Variants in ACSL4 observed in about 807,000 individuals in gnomAD.
The protein encoded by ACSL4 is long-chain-fatty-acid--CoA ligase 4.
Under a neutral mutation model 49.1 loss-of-function variants are expected in ACSL4, and 9 were observed. That is an observed-to-expected ratio of 0.18 (90% confidence interval 0.11 to 0.32). The LOEUF (loss-of-function observed/expected upper bound fraction) is 0.32, where lower values mean the gene tolerates loss of function less well. ACSL4 is among the 10% of genes least tolerant of loss of function. The pLI is 1.00. For missense variants in ACSL4, 333 were observed against 493.7 expected, an observed-to-expected ratio of 0.67 and a Z score of 3.08; for synonymous variants, 191 against 170.3, an observed-to-expected ratio of 1.12 and a Z score of -0.95.
At chrX:109,677,675 A>T (rs1416173774) in intron 8 of ACSL4, among the ~76,000 whole-genome samples, 1 of 110,277 alleles carries the variant, frequency 9.1e-6, no homozygotes, top group Admixed American at 9.6e-5. Flanking sequence ...CAGCTACTCT[A>T]GAGGCTGAGG....
In ACSL4 at chrX:109,670,770, C is replaced by T. The variant is rs180704366; in HGVS notation, c.1003-1597G>A. On this transcript the variant is annotated intron_variant, in intron 9 of 15. Coordinates refer to ENST00000672401, the MANE Select transcript of ACSL4 (RefSeq NM_001318510.2). The stretch of plus-strand genomic sequence containing the variant: ...CCTGCCGAGTGCCTGGGATTGCAGG[C>T]GCGTGCCGCCACGCCTGACTGGTTT... Among the ~76,000 whole-genome samples the T allele has an allele frequency of 5.6e-3, 624 of 111,314 alleles. 6 individuals are homozygous for T. The highest frequency in any genetic ancestry group is 0.018 in the African/African-American group (538 of 30,721).
chrX:109,645,282 T>C (rs1934620137), intron 15 of ACSL4, among the ~76,000 whole-genome samples: 1 of 112,403 alleles, frequency 8.9e-6, no homozygotes, highest in South Asian at 3.7e-4. Flanking sequence ...GTCTGACAGC[T>C]TTGAAGAGAT....
At chrX:109,727,793 A>C (rs1254121833) in intron 1 of ACSL4, among the ~76,000 whole-genome samples, 1 of 110,104 alleles carries the variant, frequency 9.1e-6, no homozygotes, top group Non-Finnish European at 1.9e-5. Flanking sequence ...GCTTCACGGG[A>C]CATAAGGGCT....
At chrX:109,727,657 TTG>T (rs35186119) in intron 1 of ACSL4, among the ~76,000 whole-genome samples, 3,793 of 88,020 alleles carry the variant, frequency 0.043, 103 homozygotes, top group East Asian at 0.15. Flanking sequence ...GTTTGTTAAA[TTG>T]TGTGTGTGTG....
intron 1 of ACSL4, among the ~76,000 whole-genome samples, chrX:109,714,966 G>A (rs749855051): frequency 5.2e-4 from 58 of 112,095 alleles, no homozygotes; most frequent in African/African-American, 1.8e-3. Context: ...AAAAAAGCAA[G>A]AGGTGCAGTG....
chrX:109,712,506 A>G (rs774168211), intron 1 of ACSL4, among the ~76,000 whole-genome samples: 2 of 112,365 alleles, frequency 1.8e-5, no homozygotes, highest in East Asian at 5.6e-4. Flanking sequence ...GTTTACACTT[A>G]CTATTTCACA....
intron 15 of ACSL4, among the ~76,000 whole-genome samples, chrX:109,650,731 T>G (rs960277862): frequency 8.9e-6 from 1 of 112,153 alleles, no homozygotes; most frequent in Non-Finnish European, 1.9e-5. Flanking sequence ...CTATACCTTC[T>G]TAACACTATG....
chrX:109,677,531 C>A (rs1394361700), intron 8 of ACSL4, among the ~76,000 whole-genome samples: 1 of 110,594 alleles, frequency 9.0e-6, no homozygotes, highest in Admixed American at 9.6e-5. Context: ...GTAATCCCAG[C>A]ACTTTGGGAG....
chrX:109,684,944 G>A (rs775190278), intron 2 of ACSL4, among the ~76,000 whole-genome samples: 10 of 111,031 alleles, frequency 9.0e-5, no homozygotes, highest in Non-Finnish European at 1.5e-4. Flanking sequence ...AATACGCTAC[G>A]GTAGTTACAA....
intron 15 of ACSL4, among the ~76,000 whole-genome samples, chrX:109,653,980 G>GAA (rs993813795): frequency 5.5e-5 from 6 of 108,610 alleles, no homozygotes; most frequent in African/African-American, 2.0e-4. Flanking sequence ...AAATTTATTT[G>GAA]AAAAAATATA....
rs757420791 is a variant in ACSL4, at chrX:109,658,179, G to A, written c.1855+1175C>T. On this transcript the variant is annotated intron_variant, in intron 15 of 15. Transcript: ENST00000672401. ...AATCAGTAGTAGTATTTACCTTGTC[G>A]CTTCAGCTACAAATCTGGGGGCTAT... Among the ~76,000 whole-genome samples the A allele has an allele frequency of 8.1e-5, 9 of 111,192 alleles. 1 individual carries two copies. Among genetic ancestry groups the A allele is most frequent in the Admixed American group, 3.8e-4 (4 of 10,473 alleles).
chrX:109,654,562 CTGAA>C (rs1368632758), intron 15 of ACSL4, among the ~76,000 whole-genome samples: 2 of 111,761 alleles, frequency 1.8e-5, no homozygotes, highest in Non-Finnish European at 3.8e-5. Context: ...AAAATGGGCA[CTGAA>C]TGAGAAAGTG....
intron 1 of ACSL4, among the ~76,000 whole-genome samples, chrX:109,709,228 A>C (rs760581923): frequency 8.9e-6 from 1 of 112,289 alleles, no homozygotes; most frequent in Admixed American, 9.4e-5. Flanking sequence ...GATGTCTGTG[A>C]TTAGTAGACC....
chrX:109,644,595 C>T (rs991595323), intron 15 of ACSL4, among the ~76,000 whole-genome samples: 1 of 112,250 alleles, frequency 8.9e-6, no homozygotes, highest in African/African-American at 3.2e-5. Flanking sequence ...CACTTCCATA[C>T]TTTATCCATA....
chrX:109,649,147 A>C (rs1415816359), intron 15 of ACSL4, among the ~76,000 whole-genome samples: 1 of 111,661 alleles, frequency 9.0e-6, no homozygotes, highest in Non-Finnish European at 1.9e-5. Context: ...GCTATCAATG[A>C]CTTTCTTCAC....
chrX:109,702,487 G>C (rs954986634), intron 1 of ACSL4, among the ~76,000 whole-genome samples: 1 of 111,893 alleles, frequency 8.9e-6, no homozygotes, highest in African/African-American at 3.2e-5. Flanking sequence ...GATTCAAAAG[G>C]GTATGATCAT....
intron 1 of ACSL4, among the ~76,000 whole-genome samples, chrX:109,702,140 G>A (rs774159813): frequency 1.5e-4 from 16 of 109,757 alleles, no homozygotes; most frequent in South Asian, 4.0e-4. Flanking sequence ...ACTCAAACCC[G>A]GGAGGCGGAG....
intron 1 of ACSL4, among the ~76,000 whole-genome samples, chrX:109,731,948 G>A (rs2147575434): frequency 8.9e-6 from 1 of 112,414 alleles, no homozygotes; most frequent in Admixed American, 9.4e-5. Context: ...TCTTGTTAGA[G>A]ACAAAATAAA....
At chrX:109,648,475 C>G (rs1350699830) in intron 15 of ACSL4, among the ~76,000 whole-genome samples, 1 of 110,978 alleles carries the variant, frequency 9.0e-6, no homozygotes. Flanking sequence ...AATTCAACAA[C>G]GCTTCATGCT....
Sources: allele counts gnomAD v4.1 joint callset (sites outside exome capture counted in the v4.1 genomes callset), GRCh38; gene constraint gnomAD v4.1.1; transcripts MANE v1.5; gene names NCBI Gene and HGNC (gene_info 2026-07-23, HGNC 2026-07-21).